WDR7: variants seen among roughly 807,000 people sequenced by gnomAD.
The protein encoded by WDR7 is WD repeat domain 7, also known as WD repeat-containing protein 7.
Under a neutral mutation model 169.4 loss-of-function variants are expected in WDR7, and 46 were observed. That is an observed-to-expected ratio of 0.27 (90% CI 0.21 to 0.35). The LOEUF (loss-of-function observed/expected upper bound fraction) is 0.35, where lower values mean the gene tolerates loss of function less well. Among genes scored for constraint, WDR7 ranks in the 10% least tolerant of loss-of-function variants. The pLI, the probability that WDR7 is intolerant of heterozygous loss-of-function variation, is 1.00. For missense variants in WDR7, 1,534 were observed against 1,859.3 expected (o/e 0.83, Z 3.22); for synonymous variants, 612 against 666.8 (o/e 0.92, Z 1.27).
At chr18:57,000,515 C>A (rs1303787821) in intron 26 of WDR7, among the ~76,000 whole-genome samples, 1 of 151,994 alleles carries the variant, frequency 6.6e-6, no homozygotes, top group Non-Finnish European at 1.5e-5. Context: ...GGGCCATAAT[C>A]ATTTTGTTTT....
rs571484128 is a variant in WDR7, at chr18:56,682,683, A to T, written c.350A>T (p.Tyr117Phe). 6.2e-7 allele frequency: 1 copy of T among 1,612,700 alleles called. No individual in the cohort carries two copies. Among genetic ancestry groups the T allele is most frequent in the South Asian group, 1.1e-5 (1 of 90,906 alleles). The change falls in exon 5 of 28, where the codon TAC becomes TTC. Residue 117 changes from tyrosine (Y) to phenylalanine (F), a missense_variant. Tyr to Phe is a conservative substitution (Grantham distance 22). Coordinates refer to ENST00000254442, the MANE Select transcript of WDR7 (RefSeq NM_015285.3). ...TTCCTTTTGGCATGAATGTAGTTCT[A>T]CCAGTTCTCTGTTGGGAATCAGCGA... ...LACTHTGIQF[Y>F]QFSVGNQREG...
At chr18:56,902,132 A>G (rs1328941976) in intron 21 of WDR7, among the ~76,000 whole-genome samples, 2 of 152,172 alleles carry the variant, frequency 1.3e-5, no homozygotes, top group African/African-American at 4.8e-5. Flanking sequence ...GGAACTGCAT[A>G]TAGCAGTTGG....
chr18:56,699,626 G>A (rs937654013), intron 12 of WDR7, among the ~76,000 whole-genome samples: 9 of 152,216 alleles, frequency 5.9e-5, no homozygotes, highest in African/African-American at 1.7e-4. Context: ...TTCTAAAACA[G>A]AGAAATGTCA....
rs1345018352 is a variant in WDR7, at chr18:56,685,964, G to T, written c.529G>T (p.Val177Leu). 2.5e-6 allele frequency: 4 copies of T among 1,604,442 alleles called. No individual in the cohort carries two copies. Among genetic ancestry groups the T allele is most frequent in the Non-Finnish European group, 2.5e-6 (3 of 1,176,752 alleles). ...IRSHRTQEDT[V>L]VALSVTGILK... The stretch of plus-strand genomic sequence containing the variant: ...GTCCCTTCTCATTTTAGAGGACACA[G>T]TGGTAGCACTCTCGGTGACTGGCAT... The change falls in exon 6 of 28, where the codon GTG (valine) becomes TTG (leucine). Residue 177 changes from valine to leucine, a missense_variant. Coordinates refer to ENST00000254442, the MANE Select transcript of WDR7 (RefSeq NM_015285.3).
chr18:56,983,305 C>A (rs558882052), intron 26 of WDR7, among the ~76,000 whole-genome samples: 1 of 152,122 alleles, frequency 6.6e-6, no homozygotes, highest in Admixed American at 6.5e-5. Context: ...TAAATATTTA[C>A]AAAGCTTCAA....
chr18:56,839,458 T>TTA (rs1230290006), intron 20 of WDR7, among the ~76,000 whole-genome samples: 1 of 152,182 alleles, frequency 6.6e-6, no homozygotes, highest in East Asian at 1.9e-4. Flanking sequence ...ACTTATATGA[T>TTA]TAATAAGTTG....
chr18:56,657,389 TCCTCCCACCTAGG>T (rs1375545254), intron 1 of WDR7, among the ~76,000 whole-genome samples: 2 of 152,162 alleles, frequency 1.3e-5, no homozygotes, highest in Non-Finnish European at 2.9e-5. Flanking sequence ...CCTCAGGTTA[TCCTCCCACCTAGG>T]CCTCCTGAAG....
chr18:56,913,952 G>A (rs1316563323), intron 21 of WDR7, among the ~76,000 whole-genome samples: 1 of 152,042 alleles, frequency 6.6e-6, no homozygotes, highest in Non-Finnish European at 1.5e-5. Context: ...TCCATACACA[G>A]GACCCAGCTG....
chr18:56,696,116 G>A, intron 11 of WDR7, 126 bp from the exon 12 acceptor site: 1 of 773,422 alleles, frequency 1.3e-6, no homozygotes, highest in Non-Finnish European at 2.0e-6. Context: ...TGTGTTAGAA[G>A]ATAAAATTGG....
intron 25 of WDR7, among the ~76,000 whole-genome samples, chr18:56,958,526 T>A (rs934170186): frequency 6.6e-6 from 1 of 152,160 alleles, no homozygotes; most frequent in Non-Finnish European, 1.5e-5. Flanking sequence ...TTATTTAGAC[T>A]GTTTGTATTT....
At chr18:57,000,967 A>G (rs2145885672) in intron 26 of WDR7, among the ~76,000 whole-genome samples, 1 of 148,774 alleles carries the variant, frequency 6.7e-6, no homozygotes, top group East Asian at 2.0e-4. Context: ...GGAGGCCAAC[A>G]TGGGAGGATC....
intron 19 of WDR7, among the ~76,000 whole-genome samples, chr18:56,810,347 A>G (rs2044847715): frequency 6.6e-6 from 1 of 152,096 alleles, no homozygotes; most frequent in Admixed American, 6.6e-5. Context: ...GTCTTCCAAA[A>G]AGGTTAGAAA....
At chr18:56,677,099 A>G (rs2025261093) in intron 2 of WDR7, among the ~76,000 whole-genome samples, 1 of 152,204 alleles carries the variant, frequency 6.6e-6, no homozygotes. Context: ...TTGTACCTTC[A>G]GATGCTCACT....
At chr18:56,949,128 G>GTC (rs10537966) in intron 25 of WDR7, among the ~76,000 whole-genome samples, 9,772 of 143,410 alleles carry the variant, frequency 0.068, 339 homozygotes, top group African/African-American at 0.1. Context: ...GTTTTCTAAA[G>GTC]TCTCTCTCTC....
At chr18:56,913,724 G>A (rs1342611698) in intron 21 of WDR7, among the ~76,000 whole-genome samples, 1 of 152,032 alleles carries the variant, frequency 6.6e-6, no homozygotes, top group Non-Finnish European at 1.5e-5. Flanking sequence ...GAGCCCAGTA[G>A]GTATAGGCTG....
chr18:56,702,809 T>C (rs1033162979), intron 12 of WDR7, among the ~76,000 whole-genome samples: 7 of 152,238 alleles, frequency 4.6e-5, no homozygotes, highest in Non-Finnish European at 8.8e-5. Flanking sequence ...GGGAAACTTA[T>C]TAAAGTGTCA....
At chr18:57,016,507 TG>T (rs2048209673) in intron 26 of WDR7, among the ~76,000 whole-genome samples, 1 of 152,176 alleles carries the variant, frequency 6.6e-6, no homozygotes, top group Non-Finnish European at 1.5e-5. Context: ...AACCTCAAAG[TG>T]GGTTGGTTTC....
At chr18:56,791,798 C>A (rs2044488788) in intron 19 of WDR7, among the ~76,000 whole-genome samples, 1 of 152,142 alleles carries the variant, frequency 6.6e-6, no homozygotes, top group African/African-American at 2.4e-5. Flanking sequence ...GAAACCTTTC[C>A]TTCTCCGTTT....
rs190313993 is a variant in WDR7, at chr18:56,988,953, T to C, written c.4164+26424T>C. ...GAAGAATAATTTATGTTTTTTTATA[T>C]TGGCTCTGATTTGGTATTTAACAGA... On this transcript the variant is annotated intron_variant, in intron 26 of 27. Coordinates refer to ENST00000254442, the MANE Select transcript of WDR7 (RefSeq NM_015285.3). 2.0e-3 allele frequency among the ~76,000 whole-genome samples: 304 copies of C among 152,260 alleles called. 2 individuals carry two copies. The East Asian group carries it at 0.044, about 22-fold the overall frequency.
Sources: allele counts gnomAD v4.1 joint callset (sites outside exome capture counted in the v4.1 genomes callset), GRCh38; gene constraint gnomAD v4.1.1; transcripts MANE v1.5; gene names NCBI Gene and HGNC (gene_info 2026-07-23, HGNC 2026-07-21).